ESR1: variants seen among roughly 807,000 people sequenced by gnomAD.
ESR1 encodes estrogen receptor 1, also known as estrogen receptor.
A neutral mutation model predicts 52.7 loss-of-function variants in ESR1; 12 were observed. The ratio of observed to expected loss-of-function variants is 0.23; its 90% CI spans 0.15 to 0.37. The LOEUF (loss-of-function observed/expected upper bound fraction) is 0.37, where lower values mean the gene tolerates loss of function less well. Ranked by LOEUF, ESR1 falls within the 10% of genes least tolerant of loss-of-function variation. ESR1 has a pLI of 1.00. For synonymous variants in ESR1, 305 were observed against 316.8 expected (o/e 0.96, Z 0.39); for missense variants, 584 against 779.7 (o/e 0.75, Z 2.99).
intron 1 of ESR1, among the ~76,000 whole-genome samples, chr6:151,835,214 GA>G (rs1274965114): frequency 6.6e-6 from 1 of 152,090 alleles, no homozygotes. Context: ...GGCTTTCTGG[GA>G]AAGATACTTA....
At chr6:151,792,477 T>G (rs1776263315) in intron 2 of ESR1, among the ~76,000 whole-genome samples, 1 of 152,144 alleles carries the variant, frequency 6.6e-6, no homozygotes, top group Admixed American at 6.5e-5. Context: ...TCTTGCTCTG[T>G]TGGCCAGGCT....
At chr6:151,706,288 T>C (rs1780178349) in intron 2 of ESR1, among the ~76,000 whole-genome samples, 1 of 152,232 alleles carries the variant, frequency 6.6e-6, no homozygotes, top group Admixed American at 6.5e-5. Context: ...CTTCATAGTT[T>C]TGTGATTTTG....
At chr6:152,017,042 G>T (rs2043220946) in intron 5 of ESR1, among the ~76,000 whole-genome samples, 2 of 152,028 alleles carry the variant, frequency 1.3e-5, no homozygotes, top group Admixed American at 6.6e-5. Flanking sequence ...CTATCCTGTA[G>T]GTCCCTTACA....
At chr6:151,799,316 A>T (rs1281290843) in intron 2 of ESR1, among the ~76,000 whole-genome samples, 1 of 152,252 alleles carries the variant, frequency 6.6e-6, no homozygotes, top group Admixed American at 6.5e-5. Flanking sequence ...GGACTCAACA[A>T]CTTATAAAGA....
intron 4 of ESR1, among the ~76,000 whole-genome samples, chr6:151,963,863 G>T (rs2037949094): frequency 6.6e-6 from 1 of 152,146 alleles, no homozygotes; most frequent in African/African-American, 2.4e-5. Flanking sequence ...TAGGGCATAA[G>T]TGTCACTTCC....
At chr6:151,981,739 T>C (rs1324750711) in intron 4 of ESR1, among the ~76,000 whole-genome samples, 1 of 152,230 alleles carries the variant, frequency 6.6e-6, no homozygotes, top group African/African-American at 2.4e-5. Flanking sequence ...TGAACTATAT[T>C]GAACTTTAGA....
intron 4 of ESR1, among the ~76,000 whole-genome samples, chr6:151,952,662 A>T (rs890440650): frequency 4.6e-5 from 7 of 152,180 alleles, no homozygotes; most frequent in Non-Finnish European, 1.0e-4. Context: ...ACACAATAAT[A>T]ACTCTTAATT....
rs530844114 is a variant in ESR1, at chr6:151,766,227, A to G, written c.-70-41616A>G. ...GAGAACATGAGACAAGGAACGAGGT[A>G]CTAAGGACAAAGAAGGAGCGATTCA... On this transcript the variant is annotated intron_variant, in intron 2 of 2. Transcript: ENST00000404742. Among the ~76,000 whole-genome samples, 7 of 152,326 alleles carry G rather than the reference A, an allele frequency of 4.6e-5. No individual in the cohort carries two copies. In the East Asian group the frequency reaches 1.4e-3, roughly 29 times the overall value.
At chr6:152,030,043 G>T (rs2044538777) in intron 5 of ESR1, among the ~76,000 whole-genome samples, 1 of 152,108 alleles carries the variant, frequency 6.6e-6, no homozygotes, top group African/African-American at 2.4e-5. Flanking sequence ...GCCAAACTAA[G>T]CTTCATAAGT....
chr6:151,847,768 G>T (rs1186393867), intron 2 of ESR1, among the ~76,000 whole-genome samples: 38 of 136,130 alleles, frequency 2.8e-4, no homozygotes, highest in Non-Finnish European at 5.2e-4. Flanking sequence ...GTCAATTTTG[G>T]CTTTTGTTGC....
intron 4 of ESR1, among the ~76,000 whole-genome samples, chr6:151,996,106 A>G (rs908946089): frequency 2.0e-5 from 3 of 152,158 alleles, no homozygotes; most frequent in Non-Finnish European, 2.9e-5. Flanking sequence ...TGTCAAGAAC[A>G]TTCATATCTT....
intron 3 of ESR1, among the ~76,000 whole-genome samples, chr6:151,882,158 G>C (rs190598830): frequency 1.6e-3 from 236 of 152,236 alleles, no homozygotes; most frequent in African/African-American, 5.3e-3. Context: ...AGGAAGGAGA[G>C]GAAAGACCAA....
rs189553383 is a variant in ESR1, at chr6:151,728,404, T to G, written c.-71+26399T>G. ...CTGAACATTGAAAAATGTTTAAATC[T>G]GTCTATCAGAAAGTTTTTCATCAAA... On this transcript the variant is annotated intron_variant, in intron 2 of 2. Transcript: ENST00000404742. 2.2e-3 allele frequency among the ~76,000 whole-genome samples: 337 copies of G among 152,338 alleles called. 2 individuals are homozygous for G. The highest frequency in any genetic ancestry group is 7.8e-3 in the African/African-American group (325 of 41,572).
At chr6:151,687,725 T>A (rs1321585451), upstream of ESR1, among the ~76,000 whole-genome samples, 1 of 152,190 alleles carries the variant, frequency 6.6e-6, no homozygotes, top group African/African-American at 2.4e-5. Context: ...CACAAAAAGG[T>A]TGGAACCTGA....
intron 2 of ESR1, among the ~76,000 whole-genome samples, chr6:151,764,822 C>T (rs1317676595): frequency 6.6e-6 from 1 of 152,148 alleles, no homozygotes; most frequent in Non-Finnish European, 1.5e-5. Context: ...ATTTTGAGGT[C>T]AAATACGACA....
Position 152,006,833 on chromosome 6 carries a change from A to T in ESR1, c.1097-4823A>T, listed in dbSNP as rs1308680340. On this transcript the variant is annotated intron_variant, in intron 4 of 7. Transcript: ENST00000206249. Reference sequence around the variant, plus strand: ...GATTATCTCTTTTGAAGGTCAGGAAACCAATATTTTTTTTTCCAGTGAATC... The same window carrying T: ...GATTATCTCTTTTGAAGGTCAGGAATCCAATATTTTTTTTTCCAGTGAATC... Among the ~76,000 whole-genome samples the T allele has an allele frequency of 3.3e-5, 5 of 152,076 alleles. No individual in the cohort carries two copies. The South Asian group carries it at 1.0e-3, about 31-fold the overall frequency.
At chr6:151,733,940 C>T (rs1782446799) in intron 2 of ESR1, among the ~76,000 whole-genome samples, 1 of 152,126 alleles carries the variant, frequency 6.6e-6, no homozygotes. Context: ...CAATTATTTT[C>T]CTTTACAAAT....
At chr6:151,998,666 A>T (rs1450491192) in intron 4 of ESR1, among the ~76,000 whole-genome samples, 2 of 152,126 alleles carry the variant, frequency 1.3e-5, no homozygotes, top group Non-Finnish European at 1.5e-5. Context: ...CAGACCCCAG[A>T]TAGAGACTAT....
chr6:151,844,659 G>A (rs575068197), intron 2 of ESR1, among the ~76,000 whole-genome samples: 10 of 152,160 alleles, frequency 6.6e-5, no homozygotes, highest in Non-Finnish European at 1.3e-4. Context: ...GCCCTGGCCC[G>A]TGGCCGATCC....
Sources: allele counts gnomAD v4.1 joint callset (sites outside exome capture counted in the v4.1 genomes callset), GRCh38; gene constraint gnomAD v4.1.1; transcripts MANE v1.5; gene names NCBI Gene and HGNC (gene_info 2026-07-23, HGNC 2026-07-21).